CLCN2: variants seen among roughly 807,000 people sequenced by gnomAD.
CLCN2 encodes chloride channel protein 2.
Under a neutral mutation model 108.3 loss-of-function variants are expected in CLCN2, and 72 were observed. That is an observed-to-expected ratio of 0.66 (90% CI 0.55 to 0.81). The LOEUF is 0.81. Among genes scored for constraint, CLCN2 ranks in the 30% least tolerant of loss-of-function variants. The probability of loss-of-function intolerance (pLI) is 0.00; values close to 1 mark genes in which losing one functional copy is unlikely to be tolerated. For synonymous variants in CLCN2, 471 were observed against 467.1 expected (o/e 1.01, Z -0.11); for missense variants, 1,048 against 1,205.2 (o/e 0.87, Z 1.93).
At chr3:184,357,926 C>T in intron 5 of CLCN2, 36 bp downstream of exon 5, 1 of 1,613,750 alleles carries the variant, frequency 6.2e-7, no homozygotes, top group Non-Finnish European at 8.5e-7. Flanking sequence ...CCTCTTCCAC[C>T]AGGAGGGACT....
At position 184,352,327 on chromosome 3, in the gene CLCN2, T is replaced by A; in HGVS notation, c.2276A>T (p.Asp759Val). The change falls in exon 21 of 24, where the codon GAC becomes GTC. Residue 759 changes from aspartate (D) to valine (V), a missense_variant. Coordinates refer to ENST00000265593, the MANE Select transcript of CLCN2 (RefSeq NM_004366.6). ...GCTCATCTCGCCTTCCAGGTCCGCG[T>A]CACTCTAGTAGAGAGGGAGGGAGGC... ...LKRVRISLAS[D>V]ADLEGEMSPE... is the part of the protein sequence containing the mutation. 1 of 1,613,730 alleles carries A rather than the reference T, an allele frequency of 6.2e-7. No individual in the cohort carries two copies. Among genetic ancestry groups the A allele is most frequent in the Non-Finnish European group, 8.5e-7 (1 of 1,180,014 alleles).
At chr3:184,352,617 A>G (rs1047133453) in intron 19 of CLCN2, 120 bp downstream of exon 19, 2 of 1,448,512 alleles carry the variant, frequency 1.4e-6, no homozygotes, top group Non-Finnish European at 1.9e-6. Context: ...AGCTGACAGC[A>G]GGGAGGGCCG....
Position 184,354,217 on chromosome 3 carries a change from C to T in CLCN2, c.1605G>A (p.Met535Ile), listed in dbSNP as rs761825582. ...TGQIAHILPV[M>I]IAVILANAVA... is the part of the protein sequence containing the mutation. ...CAGCGTTGGCCAGGATGACGGCGAT[C>T]ATGACAGGCAGGATGTGGGCAATCT... The change falls in exon 15 of 24, where the codon ATG (methionine) becomes ATA (isoleucine). Residue 535 changes from methionine to isoleucine, a missense_variant. Met to Ile is a conservative substitution (Grantham distance 10, BLOSUM62 1). Transcript: ENST00000265593. 13 of 1,613,338 alleles carry T rather than the reference C, an allele frequency of 8.1e-6. No individual in the cohort carries two copies. The highest frequency in any genetic ancestry group is 5.1e-6 in the Non-Finnish European group (6 of 1,179,976).
chr3:184,353,787 C>T lies in CLCN2; in HGVS notation c.1730G>A (p.Arg577Gln), dbSNP rs137852682. ...CACCATGATGTCCTCCACACGCACC[C>T]GGTACTGCCTGGGGGCCGAGAGAGG... Reference protein sequence around the residue: ...ELGWGRHQQYRVRVEDIMVRD... With the variant: ...ELGWGRHQQYQVRVEDIMVRD... The change falls in exon 16 of 24, where the codon CGG (arginine) becomes CAG (glutamine). Residue 577 changes from arginine to glutamine, a missense_variant. Coordinates refer to ENST00000265593, the MANE Select transcript of CLCN2 (RefSeq NM_004366.6). 407 of 1,605,954 alleles carry T rather than the reference C, an allele frequency of 2.5e-4. No individual in the cohort carries two copies. Among genetic ancestry groups the T allele is most frequent in the Admixed American group, 1.0e-3 (60 of 58,598 alleles).
chr3:184,346,319 G>T lies in CLCN2; in HGVS notation c.*287C>A. 1.9e-6 allele frequency: 1 copy of T among 524,350 alleles called. No individual in the cohort carries two copies. Among genetic ancestry groups the T allele is most frequent in the East Asian group, 3.4e-5 (1 of 29,614 alleles). 32.5% of individuals were successfully genotyped at this position (524,350 alleles called of 1,614,324 possible). A position where few individuals can be genotyped will look rare whatever the true frequency, so the allele number is the denominator to read the frequency against. ...AGGTTCCAGTTATAAACCCATCTTA[G>T]TTCCACCCCTTTCCCCTCAAAGGGG... On this transcript the variant is annotated 3_prime_UTR_variant, in exon 24 of 24. Transcript: ENST00000265593. The surrounding 1 kb of genome is among the most constrained non-coding windows in gnomAD (Gnocchi z 6.0).
chr3:184,352,606 G>A (rs1728197955), intron 19 of CLCN2, 110 bp from the exon 20 acceptor site: 2 of 1,448,100 alleles, frequency 1.4e-6, no homozygotes, highest in East Asian at 2.3e-5. Flanking sequence ...CACAGGACCT[G>A]AGCTGACAGC....
At chr3:184,356,907 C>G in intron 10 of CLCN2, 86 bp downstream of exon 10, 1 of 924,904 alleles carries the variant, frequency 1.1e-6, no homozygotes, top group Non-Finnish European at 1.8e-6. Flanking sequence ...TTTGACTGGG[C>G]CATTCTCTCC....
rs1553853598 is a variant in CLCN2 at position 184,346,843 on chromosome 3, A to C, written c.2503-43T>G. 8 of 1,612,020 alleles carry C rather than the reference A, an allele frequency of 5.0e-6. No individual in the cohort carries two copies. In the Admixed American group the frequency reaches 1.3e-4, roughly 27 times the overall value. On this transcript the variant is annotated intron_variant, in intron 23 of 23. Transcript: ENST00000265593. The surrounding 1 kb of genome is among the most constrained non-coding windows in gnomAD (Gnocchi z 6.0). ...ACAGATGTCTGGACCCAGATGTCAG[A>C]CTCCTCCCCGCCTTCCTCCCCAGGT...
Position 184,346,482 on chromosome 3 carries a change from A to G in CLCN2, c.*124T>C. The G allele has an allele frequency of 9.0e-7, 1 of 1,110,974 alleles. No homozygotes were observed. Among genetic ancestry groups the G allele is most frequent in the Non-Finnish European group, 1.3e-6 (1 of 752,730 alleles). 68.8% of individuals were successfully genotyped at this position (1,110,974 alleles called of 1,614,324 possible). On this transcript the variant is annotated 3_prime_UTR_variant, in exon 24 of 24. Coordinates refer to ENST00000265593, the MANE Select transcript of CLCN2 (RefSeq NM_004366.6). This position sits in a 1 kb window ranked among gnomAD's most constrained non-coding sequence, Gnocchi z 6.0. ...GGAGAAGCTGGCACCCCAGGTCTGGAGGGGGCTGGGGTGCAGCCTCCAGCT... is the reference window on the plus strand; with the variant it reads ...GGAGAAGCTGGCACCCCAGGTCTGGGGGGGGCTGGGGTGCAGCCTCCAGCT...
chr3:184,349,440 A>G (rs2108557214), intron 22 of CLCN2: 1 of 152,286 alleles, frequency 6.6e-6, no homozygotes, highest in South Asian at 2.1e-4. Context: ...AAATAAATAA[A>G]TAAAATTTTT....
At chr3:184,360,940 A>T (rs1347204107) in intron 1 of CLCN2, among the ~76,000 whole-genome samples, 1 of 152,220 alleles carries the variant, frequency 6.6e-6, no homozygotes, top group African/African-American at 2.4e-5. Flanking sequence ...CTGGGTGTGG[A>T]GCCTCCAGAG....
At chr3:184,352,927 A>G in intron 18 of CLCN2, 106 bp downstream of exon 18, 1 of 1,517,356 alleles carries the variant, frequency 6.6e-7, no homozygotes, top group South Asian at 1.1e-5. Context: ...CCATGTGGGC[A>G]GCCTCTTCCA....
rs1057521546 is a variant in CLCN2 at position 184,354,978 on chromosome 3, A to T, written c.1327-5T>A. 6.2e-7 allele frequency: 1 copy of T among 1,613,662 alleles called. No homozygotes were observed. The highest frequency in any genetic ancestry group is 8.5e-7 in the Non-Finnish European group (1 of 1,179,882). On this transcript the variant is annotated splice_region_variant and splice_polypyrimidine_tract_variant and intron_variant, in intron 12 of 23. Coordinates refer to ENST00000265593, the MANE Select transcript of CLCN2 (RefSeq NM_004366.6). ...GGCCAGTGCAGACATCCAGAACTGC[A>T]GGCAGGGGGTGGTTCAAAGGCGAAG...
At chr3:184,357,550 T>C in intron 7 of CLCN2, 63 bp from the exon 8 acceptor site, 1 of 1,613,770 alleles carries the variant, frequency 6.2e-7, no homozygotes, top group East Asian at 2.2e-5. Context: ...CAGACCCAGA[T>C]AAGAGGGGCC....
Position 184,354,291 on chromosome 3 carries a change from C to A in CLCN2, c.1531G>T (p.Val511Leu), listed in dbSNP as rs1728362797. ...ACAGCCGTGGACACTGTGTGTGTCA[C>A]CGCTCCTGCCAGCGCAGCTGCCCCT... ...VVGAAALAGA[V>L]THTVSTAVIV... Residue 511 changes from valine (V) to leucine (L), a missense_variant, in exon 15 of 24, where the codon GTG (valine) becomes TTG (leucine). Physicochemically the swap from Val to Leu is conservative, Grantham distance 32 (BLOSUM62 1). Transcript: ENST00000265593. The A allele has an allele frequency of 6.2e-7, 1 of 1,613,034 alleles. No homozygotes were observed. Among genetic ancestry groups the A allele is most frequent in the East Asian group, 2.2e-5 (1 of 44,844 alleles).
chr3:184,355,395 C>T lies in CLCN2; in HGVS notation c.1305G>A (p.Leu435=), dbSNP rs1386174152. 1 of 1,613,846 alleles carries T rather than the reference C, an allele frequency of 6.2e-7. No homozygotes were observed. Among genetic ancestry groups the T allele is most frequent in the Admixed American group, 1.7e-5 (1 of 60,006 alleles). ...NPPRANVFLT[L]VIFILMKFWM... The stretch of plus-strand genomic sequence containing the variant: ...CCACCTTCATGAGAATGAAGATGAC[C>T]AGGGTGAGGAAGACGTTGGCACGTG... Residue 435 remains leucine (L), a synonymous_variant, in exon 12 of 24, where the codon CTG becomes CTA. Transcript: ENST00000265593. This position sits in a 1 kb window ranked among gnomAD's most constrained non-coding sequence, Gnocchi z 6.3.
At chr3:184,353,999 C>T (rs1453196347) in intron 15 of CLCN2, 102 bp downstream of exon 15, 28 of 1,406,066 alleles carry the variant, frequency 2.0e-5, no homozygotes, top group Non-Finnish European at 2.8e-5. Flanking sequence ...GCTCATCTCC[C>T]AGCTTCGTAG....
In CLCN2 at chr3:184,355,447, G is replaced by C; in HGVS notation, c.1253C>G (p.Pro418Arg). 6.2e-7 allele frequency: 1 copy of C among 1,614,080 alleles called. No individual in the cohort carries two copies. Among genetic ancestry groups the C allele is most frequent in the Non-Finnish European group, 8.5e-7 (1 of 1,180,018 alleles). The change falls in exon 12 of 24, where the codon CCC (proline) becomes CGC (arginine). Residue 418 changes from proline (P) to arginine (R), a missense_variant. Physicochemically the swap from Pro to Arg is moderately radical, Grantham distance 103. Transcript: ENST00000265593. The surrounding 1 kb of genome is among the most constrained non-coding windows in gnomAD (Gnocchi z 6.3). Reference sequence around the variant, plus strand: ...TGGGTTCCAGGCCTGTGAGGTGCTGGGTGGTTCTAGCTCCTCCACCAGGCC... The same window carrying C: ...TGGGTTCCAGGCCTGTGAGGTGCTGCGTGGTTCTAGCTCCTCCACCAGGCC... ...RQGLVEELEP[P>R]STSQAWNPPR...
intron 1 of CLCN2, 73 bp from the exon 2 acceptor site, chr3:184,359,204 C>T (rs528400555): frequency 1.3e-6 from 2 of 1,549,144 alleles, no homozygotes; most frequent in South Asian, 2.2e-5. Context: ...TTCTTAGAGC[C>T]TCCACTCCTC....
Sources: allele counts gnomAD v4.1 joint callset (sites outside exome capture counted in the v4.1 genomes callset), GRCh38; gene constraint gnomAD v4.1.1; non-coding constraint Gnocchi (gnomAD v3.1); transcripts MANE v1.5; gene names NCBI Gene and HGNC (gene_info 2026-07-23, HGNC 2026-07-21).